GPC4: variants seen among roughly 807,000 people sequenced by gnomAD.
The protein encoded by GPC4 is glypican-4.
In GPC4, 10 loss-of-function variants were observed where a neutral mutation model predicts 35.0. The observed-to-expected ratio is 0.29, with a 90% CI of 0.18 to 0.48. GPC4 has a LOEUF of 0.48. Ranked by LOEUF, GPC4 falls within the 20% of genes least tolerant of loss-of-function variation. The probability of loss-of-function intolerance (pLI) is 0.99; values close to 1 mark genes in which losing one functional copy is unlikely to be tolerated. For synonymous variants in GPC4, 167 were observed against 170.2 expected, an observed-to-expected ratio of 0.98 and a Z score of 0.15; for missense variants, 322 against 451.3, an observed-to-expected ratio of 0.71 and a Z score of 2.60.
chrX:133,412,128 T>A (rs769874863), intron 1 of GPC4, among the ~76,000 whole-genome samples: 4 of 111,571 alleles, frequency 3.6e-5, no homozygotes, highest in African/African-American at 1.3e-4. Flanking sequence ...AAAAAGCACA[T>A]TCCCCATCCC....
At chrX:133,303,903 G>GAGGGAGGAAGGA (rs775171080) in intron 7 of GPC4, among the ~76,000 whole-genome samples, 51 of 75,412 alleles carry the variant, frequency 6.8e-4, no homozygotes, top group African/African-American at 2.7e-3. Flanking sequence ...TACTCTGTTG[G>GAGGGAGGAAGGA]AGGAAGGAAG....
intron 1 of GPC4, among the ~76,000 whole-genome samples, chrX:133,414,078 AAG>A (rs1396699743): frequency 9.0e-6 from 1 of 111,175 alleles, no homozygotes; most frequent in African/African-American, 3.3e-5. Context: ...AGAAAAAAGA[AAG>A]AGGGGAAAAA....
intron 1 of GPC4, among the ~76,000 whole-genome samples, chrX:133,340,942 T>C (rs2068464129): frequency 9.0e-6 from 1 of 111,136 alleles, no homozygotes; most frequent in African/African-American, 3.3e-5. Flanking sequence ...CTGCTAAAAG[T>C]TTATTTTGGC....
chrX:133,326,475 ACT>A (rs1250028759), intron 2 of GPC4, among the ~76,000 whole-genome samples: 1 of 111,402 alleles, frequency 9.0e-6, no homozygotes, highest in East Asian at 2.8e-4. Context: ...TACTATGGGC[ACT>A]CTCAGCACCA....
chrX:133,386,714 T>C (rs2068692474), intron 1 of GPC4, among the ~76,000 whole-genome samples: 1 of 112,134 alleles, frequency 8.9e-6, no homozygotes, highest in Non-Finnish European at 1.9e-5. Context: ...CTGACATACT[T>C]GAACTAAAAG....
chrX:133,377,210 A>G (rs1377351071), intron 1 of GPC4, among the ~76,000 whole-genome samples: 4 of 112,119 alleles, frequency 3.6e-5, no homozygotes, highest in Non-Finnish European at 7.5e-5. Flanking sequence ...CATGACCTCC[A>G]AAGAACCTGG....
chrX:133,386,920 T>C (rs1051255635), intron 1 of GPC4, among the ~76,000 whole-genome samples: 1 of 111,765 alleles, frequency 8.9e-6, no homozygotes, highest in Non-Finnish European at 1.9e-5. Flanking sequence ...GTCTTAATAC[T>C]TGAAGGAGGA....
chrX:133,378,765 G>A (rs1409939873), intron 1 of GPC4, among the ~76,000 whole-genome samples: 1 of 110,709 alleles, frequency 9.0e-6, no homozygotes, highest in Non-Finnish European at 1.9e-5. Context: ...GGAAGAGGAG[G>A]TTGTCCACTG....
At chrX:133,354,466 A>G (rs1455818975) in intron 1 of GPC4, among the ~76,000 whole-genome samples, 2 of 112,531 alleles carry the variant, frequency 1.8e-5, no homozygotes, top group African/African-American at 6.5e-5. Flanking sequence ...CAGTACCAGA[A>G]GTATGAAAGA....
At chrX:133,340,118 A>G (rs2068460180) in intron 1 of GPC4, among the ~76,000 whole-genome samples, 1 of 110,908 alleles carries the variant, frequency 9.0e-6, no homozygotes. Flanking sequence ...ATCACTCCAC[A>G]GCAACCCAAC....
chrX:133,333,888 G>A (rs2068431358), intron 2 of GPC4, among the ~76,000 whole-genome samples: 2 of 112,588 alleles, frequency 1.8e-5, no homozygotes, highest in African/African-American at 6.5e-5. Context: ...ATTATGCTAT[G>A]CATATCTATG....
chrX:133,315,108 GTTTT>G (rs768185435), intron 3 of GPC4, among the ~76,000 whole-genome samples: 1 of 94,052 alleles, frequency 1.1e-5, no homozygotes, highest in African/African-American at 3.8e-5. Flanking sequence ...AAGTGTTTGG[GTTTT>G]TTTTTTTTTT....
chrX:133,414,529 G>T, intron 1 of GPC4: 2 of 754,431 alleles, frequency 2.7e-6, no homozygotes, highest in Non-Finnish European at 3.1e-6. Context: ...AGGAGGAGCG[G>T]AGGCGGGGAG....
intron 1 of GPC4, among the ~76,000 whole-genome samples, chrX:133,366,323 C>A (rs2092605017): frequency 8.9e-6 from 1 of 111,931 alleles, no homozygotes; most frequent in Non-Finnish European, 1.9e-5. Flanking sequence ...TATAGTTCTG[C>A]CAAGTACCTT....
At chrX:133,385,977 A>C (rs2068687417) in intron 1 of GPC4, among the ~76,000 whole-genome samples, 1 of 109,868 alleles carries the variant, frequency 9.1e-6, no homozygotes, top group African/African-American at 3.3e-5. Context: ...GGGCCTAGGG[A>C]GGAGGGGGCT....
chrX:133,375,995 C>T (rs888971379), intron 1 of GPC4, among the ~76,000 whole-genome samples: 1 of 111,960 alleles, frequency 8.9e-6, no homozygotes, highest in South Asian at 3.8e-4. Flanking sequence ...GAGAAATGGG[C>T]CCTCTTCAAA....
intron 1 of GPC4, among the ~76,000 whole-genome samples, chrX:133,407,864 T>C (rs766167017): frequency 8.9e-6 from 1 of 112,769 alleles, no homozygotes; most frequent in African/African-American, 3.2e-5. Context: ...AGTTGGTCTT[T>C]TTGATGTCTG....
chrX:133,325,365 T>C (rs997031853), intron 2 of GPC4, among the ~76,000 whole-genome samples: 4 of 110,563 alleles, frequency 3.6e-5, no homozygotes, highest in Admixed American at 1.9e-4. Context: ...TGAGACAACA[T>C]GAAAAAAACT....
At chrX:133,307,314 G>A (rs755802686) in intron 4 of GPC4, among the ~76,000 whole-genome samples, 1 of 112,029 alleles carries the variant, frequency 8.9e-6, no homozygotes, top group Non-Finnish European at 1.9e-5. Context: ...AGCAGCATAG[G>A]CATCAGCATA....
Sources: allele counts gnomAD v4.1 joint callset (sites outside exome capture counted in the v4.1 genomes callset), GRCh38; gene constraint gnomAD v4.1.1; transcripts MANE v1.5; gene names NCBI Gene and HGNC (gene_info 2026-07-23, HGNC 2026-07-21).